Variants in KCNC4 observed in about 807,000 individuals in gnomAD.
KCNC4 encodes potassium voltage-gated channel subfamily C member 4.
Under a neutral mutation model 42.8 loss-of-function variants are expected in KCNC4, and 23 were observed. The ratio of observed to expected loss-of-function variants is 0.54; its 90% CI spans 0.39 to 0.76. KCNC4 has a LOEUF of 0.76. Ranked by LOEUF, KCNC4 falls within the 30% of genes least tolerant of loss-of-function variation. The probability of loss-of-function intolerance (pLI) is 0.00; values close to 1 mark genes in which losing one functional copy is unlikely to be tolerated. For synonymous variants in KCNC4, 422 were observed against 393.5 expected (o/e 1.07, Z -0.86); for missense variants, 751 against 898.2 (o/e 0.84, Z 2.10).
intron 1 of KCNC4, among the ~76,000 whole-genome samples, chr1:110,269,848 C>T (rs1462093824): frequency 6.6e-6 from 1 of 152,136 alleles, no homozygotes; most frequent in Non-Finnish European, 1.5e-5. Flanking sequence ...TTTACAATGT[C>T]AGGTATTGCC....
At chr1:110,230,380 G>A (rs1323998799) in intron 3 of KCNC4, among the ~76,000 whole-genome samples, 3 of 152,220 alleles carry the variant, frequency 2.0e-5, no homozygotes, top group South Asian at 4.1e-4. Context: ...CCCCAACAGC[G>A]AGAGGACTCC....
downstream of KCNC4, among the ~76,000 whole-genome samples, chr1:110,284,064 A>G (rs1288005093): frequency 6.6e-6 from 1 of 152,220 alleles, no homozygotes; most frequent in Non-Finnish European, 1.5e-5. Flanking sequence ...GAAATAGTCA[A>G]GTGTTATATC....
chr1:110,259,857 A>C (rs1326677428), intron 1 of KCNC4, among the ~76,000 whole-genome samples: 1 of 152,226 alleles, frequency 6.6e-6, no homozygotes, highest in East Asian at 1.9e-4. Context: ...ATACAATTTT[A>C]AGTGATGCCT....
At chr1:110,270,407 G>A (rs998055782) in intron 1 of KCNC4, among the ~76,000 whole-genome samples, 1 of 152,214 alleles carries the variant, frequency 6.6e-6, no homozygotes, top group Non-Finnish European at 1.5e-5. Flanking sequence ...ATGAAAAACA[G>A]TTGCATCTGC....
chr1:110,262,198 T>C (rs1659467867), intron 1 of KCNC4, among the ~76,000 whole-genome samples: 1 of 152,242 alleles, frequency 6.6e-6, no homozygotes, highest in African/African-American at 2.4e-5. Flanking sequence ...TACAAAGTTA[T>C]AAAAATATTT....
chr1:110,242,597 A>T (rs1283913294), exon 4 of KCNC4: 1 of 152,148 alleles, frequency 6.6e-6, no homozygotes, highest in African/African-American at 2.4e-5. Flanking sequence ...GCACCACTGG[A>T]GGCAAGGGAT....
At chr1:110,217,816 C>T (rs142049067) in intron 1 of KCNC4, among the ~76,000 whole-genome samples, 52 of 152,246 alleles carry the variant, frequency 3.4e-4, no homozygotes, top group African/African-American at 1.2e-3. Context: ...TTAGTGCGGG[C>T]CCTCAACCAG....
At chr1:110,282,104 C>A (rs540549265) in intron 1 of KCNC4, among the ~76,000 whole-genome samples, 1 of 152,302 alleles carries the variant, frequency 6.6e-6, no homozygotes, top group East Asian at 1.9e-4. Context: ...CAGGGTCCCA[C>A]CCCCGAGTCA....
At chr1:110,251,287 A>G (rs1291038645), downstream of KCNC4, among the ~76,000 whole-genome samples, 1 of 152,162 alleles carries the variant, frequency 6.6e-6, no homozygotes, top group African/African-American at 2.4e-5. Context: ...CATAATTCCC[A>G]TGTGTTGTGG....
intron 1 of KCNC4, among the ~76,000 whole-genome samples, chr1:110,268,538 A>G (rs1485575354): frequency 8.7e-4 from 126 of 145,084 alleles, no homozygotes; most frequent in Non-Finnish European, 1.6e-3. Context: ...CCCGGGAGGC[A>G]GAGTTTGCAG....
In KCNC4 at chr1:110,210,650, C is replaced by G. The variant is rs1421636882; in HGVS notation, c.-850C>G. On this transcript the variant is annotated 5_prime_UTR_variant, in exon 1 of 4. Coordinates refer to ENST00000438661, the MANE Select transcript of KCNC4 (RefSeq NM_001039574.3). ...CCCGGCTCCCCAGAGCGGCCCCGCCCCCCAGGCTCGGCGCCGCGCAGGACG... is the reference window on the plus strand; with the variant it reads ...CCCGGCTCCCCAGAGCGGCCCCGCCGCCCAGGCTCGGCGCCGCGCAGGACG... Among the ~76,000 whole-genome samples, 1 of 151,192 alleles carries G rather than the reference C, an allele frequency of 6.6e-6. No individual in the cohort carries two copies. The highest frequency in any genetic ancestry group is 1.5e-5 in the Non-Finnish European group (1 of 67,748).
chr1:110,234,311 A>T (rs998020776), downstream of KCNC4: 31 of 152,118 alleles, frequency 2.0e-4, no homozygotes, highest in African/African-American at 7.0e-4. Flanking sequence ...AGCCCCTGCC[A>T]TAACATGGAA....
chr1:110,222,787 A>G, intron 1 of KCNC4, 177 bp from the exon 2 acceptor site: 2 of 585,620 alleles, frequency 3.4e-6, no homozygotes, highest in East Asian at 2.8e-5. Flanking sequence ...GAGAGCCCCC[A>G]AGCATATGGA....
Position 110,264,359 on chromosome 1 carries a change from G to A in KCNC4, n.31-18175G>A, listed in dbSNP as rs942108004. ...TTTTGATTTGTGATTGGTTAAGGAGGCTTTGTCTAAAAATTTGGAAGCAAG... is the reference window on the plus strand; with the variant it reads ...TTTTGATTTGTGATTGGTTAAGGAGACTTTGTCTAAAAATTTGGAAGCAAG... On this transcript the variant is annotated intron_variant and non_coding_transcript_variant, in intron 1 of 2. Transcript: ENST00000412512. 2.6e-5 allele frequency among the ~76,000 whole-genome samples: 4 copies of A among 152,052 alleles called. No homozygotes were observed. In the South Asian group the frequency reaches 8.3e-4, roughly 32 times the overall value.
chr1:110,235,390 G>A (rs1264071999), downstream of KCNC4: 1 of 152,244 alleles, frequency 6.6e-6, no homozygotes, highest in East Asian at 1.9e-4. Context: ...GCTTGGCCAG[G>A]CGATAATGGG....
rs35167146 is a variant in KCNC4, at chr1:110,223,237, G to A, written c.952G>A (p.Asp318Asn). ...DFVKNLLNII[D>N]FVAILPFYLE... ...CGTCAAGAACCTGCTCAACATCATC[G>A]ACTTTGTGGCCATCCTGCCCTTCTA... The change falls in exon 2 of 4, where the codon GAC becomes AAC. Residue 318 changes from aspartate (D) to asparagine (N), a missense_variant. Coordinates refer to ENST00000438661, the MANE Select transcript of KCNC4 (RefSeq NM_001039574.3). The surrounding 1 kb of genome is among the most constrained non-coding windows in gnomAD (Gnocchi z 7.5). 6 of 1,614,206 alleles carry A rather than the reference G, an allele frequency of 3.7e-6. No individual in the cohort carries two copies. The highest frequency in any genetic ancestry group is 3.4e-6 in the Non-Finnish European group (4 of 1,180,046).
At chr1:110,249,651 G>A (rs1320143425), downstream of KCNC4, among the ~76,000 whole-genome samples, 2 of 152,206 alleles carry the variant, frequency 1.3e-5, no homozygotes, top group Admixed American at 1.3e-4. Context: ...TTTTAGAAGT[G>A]TCACTGCTCT....
At position 110,223,090 on chromosome 1, in the gene KCNC4, G is replaced by A. The variant is rs144762287; in HGVS notation, c.805G>A (p.Val269Met). Residue 269 changes from valine (V) to methionine (M), a missense_variant, in exon 2 of 4, where the codon GTG becomes ATG. Coordinates refer to ENST00000438661, the MANE Select transcript of KCNC4 (RefSeq NM_001039574.3). This position sits in a 1 kb window ranked among gnomAD's most constrained non-coding sequence, Gnocchi z 7.5. ...EILRVGNITS[V>M]HFRREVETEP... is the part of the protein sequence containing the mutation. ...CCTCCGCGTAGGGAACATCACCAGC[G>A]TGCACTTCCGGCGGGAGGTAGAGAC... is the stretch of plus-strand genomic sequence containing the variant. 48 of 1,614,178 alleles carry A rather than the reference G, an allele frequency of 3.0e-5. No individual in the cohort carries two copies. Among genetic ancestry groups the A allele is most frequent in the African/African-American group, 2.8e-4 (21 of 75,050 alleles).
intron 1 of KCNC4, among the ~76,000 whole-genome samples, chr1:110,276,706 A>T (rs1659732695): frequency 6.6e-6 from 1 of 152,172 alleles, no homozygotes; most frequent in Non-Finnish European, 1.5e-5. Flanking sequence ...TTAGTCCTAT[A>T]GGGCATCTAA....
Sources: gnomAD v4.1 joint callset for allele counts (sites outside exome capture counted in the v4.1 genomes callset) on GRCh38, gnomAD v4.1.1 for gene constraint, Gnocchi (gnomAD v3.1) non-coding constraint, MANE v1.5 for transcripts, NCBI Gene and HGNC (gene_info 2026-07-23, HGNC 2026-07-21) for gene names.